Variants in CDC123 observed in about 807,000 individuals in gnomAD.
CDC123 encodes the protein translation initiation factor eIF2 assembly protein.
CDC123 carries 37 observed loss-of-function variants against 54.4 expected under a neutral mutation model. The ratio of observed to expected loss-of-function variants is 0.68; its 90% CI spans 0.52 to 0.89. The LOEUF (loss-of-function observed/expected upper bound fraction) is 0.89, where lower values mean the gene tolerates loss of function less well. Among genes scored for constraint, CDC123 ranks in the 40% least tolerant of loss-of-function variants. The pLI, the probability that CDC123 is intolerant of heterozygous loss-of-function variation, is 0.00. For missense variants in CDC123, 361 were observed against 412.1 expected (o/e 0.88, Z 1.07); for synonymous variants, 144 against 136.8 (o/e 1.05, Z -0.37).
chr10:12,245,165 C>CAGAG (rs1401579173), intron 10 of CDC123: 2 of 152,328 alleles, frequency 1.3e-5, no homozygotes, highest in Non-Finnish European at 2.9e-5. Flanking sequence ...TCCCCCTGAA[C>CAGAG]AGAGCACTGA....
At chr10:12,241,248 A>G (rs1836053861) in intron 10 of CDC123, among the ~76,000 whole-genome samples, 1 of 151,812 alleles carries the variant, frequency 6.6e-6, no homozygotes, top group South Asian at 2.1e-4. Context: ...ACTTTTTTCT[A>G]TTGTCTCATT....
chr10:12,223,855 C>T (rs957146408), intron 6 of CDC123, among the ~76,000 whole-genome samples: 1 of 151,832 alleles, frequency 6.6e-6, no homozygotes, highest in Non-Finnish European at 1.5e-5. Context: ...TATGTATTTC[C>T]CCCTGTATTT....
At position 12,246,125 on chromosome 10, in the gene CDC123, G is replaced by GT. The variant is rs749015632; in HGVS notation, c.718-18dup. On this transcript the variant is annotated intron_variant, in intron 10 of 12. Coordinates refer to ENST00000281141, the MANE Select transcript of CDC123 (RefSeq NM_006023.3). ...CAGAGTACAGAAGATGTTTGTTTTT[G>GT]TTTTTTCTCTCTCTGTGCTACAGGG... 3.7e-6 allele frequency: 6 copies of GT among 1,604,718 alleles called. No individual in the cohort carries two copies. In the South Asian group the frequency reaches 5.6e-5, roughly 15 times the overall value.
intron 6 of CDC123, among the ~76,000 whole-genome samples, chr10:12,221,830 G>A (rs1004099021): frequency 1.3e-5 from 2 of 149,580 alleles, no homozygotes; most frequent in Non-Finnish European, 3.0e-5. Flanking sequence ...GCTATCATTA[G>A]TGTTAGTGTA....
rs183185926 is a variant in CDC123, at chr10:12,219,082, T to A, written c.440+1615T>A. Among the ~76,000 whole-genome samples, 113 of 152,326 alleles carry A rather than the reference T, an allele frequency of 7.4e-4. 1 individual carries two copies. The East Asian group carries it at 0.013, about 18-fold the overall frequency. ...TGTCCAGTTGAGTTTGTCCTGCCAGTTCGTTCCATGTCAGACTCAAATCCT... is the reference window on the plus strand; with the variant it reads ...TGTCCAGTTGAGTTTGTCCTGCCAGATCGTTCCATGTCAGACTCAAATCCT... On this transcript the variant is annotated intron_variant, in intron 6 of 12. Coordinates refer to ENST00000281141, the MANE Select transcript of CDC123 (RefSeq NM_006023.3).
Position 12,250,343 on chromosome 10 carries a change from G to C in CDC123, c.*6G>C. 2 of 1,601,866 alleles carry C rather than the reference G, an allele frequency of 1.2e-6. No individual in the cohort carries two copies. Among genetic ancestry groups the C allele is most frequent in the Non-Finnish European group, 1.7e-6 (2 of 1,169,908 alleles). ...ATCAGCAGGAGGACGACTGATGAGCGTACTGGAACTGGAGAAGAGGAGGCC... is the reference window on the plus strand; with the variant it reads ...ATCAGCAGGAGGACGACTGATGAGCCTACTGGAACTGGAGAAGAGGAGGCC... On this transcript the variant is annotated 3_prime_UTR_variant, in exon 13 of 13. Coordinates refer to ENST00000281141, the MANE Select transcript of CDC123 (RefSeq NM_006023.3).
At chr10:12,200,439 A>G (rs1403888376) in intron 2 of CDC123, among the ~76,000 whole-genome samples, 1 of 151,996 alleles carries the variant, frequency 6.6e-6, no homozygotes, top group Non-Finnish European at 1.5e-5. Flanking sequence ...TTTATTCTCA[A>G]ATACGTGTAC....
chr10:12,198,901 G>A, intron 2 of CDC123, 125 bp downstream of exon 2: 1 of 623,646 alleles, frequency 1.6e-6, no homozygotes, highest in Non-Finnish European at 2.9e-6. Flanking sequence ...ATGATGTGCT[G>A]ATCTTTGTCT....
intron 7 of CDC123, among the ~76,000 whole-genome samples, chr10:12,234,498 C>T (rs919910429): frequency 6.6e-6 from 1 of 152,148 alleles, no homozygotes; most frequent in African/African-American, 2.4e-5. Flanking sequence ...GGGTTATAGG[C>T]GTGAGCCTCC....
rs1290829294 is a variant in CDC123 at position 12,237,417 on chromosome 10, G to A, written c.688+151G>A. On this transcript the variant is annotated intron_variant, in intron 9 of 12. Transcript: ENST00000281141. ...TATTATTTGTTATTTTTGATAGTTT[G>A]TATGTTAATTTCTTTTTATTATTAT... The A allele has an allele frequency of 4.7e-5, 27 of 571,988 alleles. 1 individual carries two copies. The South Asian group carries it at 1.1e-3, about 24-fold the overall frequency. The allele number at this position is 571,988 out of a possible 1,614,324, so 35.4% of individuals were successfully genotyped here. A position where few individuals can be genotyped will look rare whatever the true frequency, so the allele number is the denominator to read the frequency against.
chr10:12,218,572 A>C (rs1224160450), intron 6 of CDC123, among the ~76,000 whole-genome samples: 1 of 152,078 alleles, frequency 6.6e-6, no homozygotes, highest in African/African-American at 2.4e-5. Flanking sequence ...CTGCTTTTGC[A>C]CTTACCAGTG....
intron 7 of CDC123, among the ~76,000 whole-genome samples, chr10:12,233,146 A>G (rs1358480336): frequency 1.3e-5 from 2 of 152,104 alleles, no homozygotes; most frequent in East Asian, 1.9e-4. Flanking sequence ...GAAAGACACC[A>G]TTATCATGTA....
chr10:12,198,415 G>A (rs1208840117), intron 1 of CDC123, among the ~76,000 whole-genome samples: 2 of 152,146 alleles, frequency 1.3e-5, no homozygotes, highest in Admixed American at 1.3e-4. Context: ...CATAAATGTT[G>A]TGCTCACTCA....
chr10:12,231,267 T>G (rs1180126748), intron 7 of CDC123, among the ~76,000 whole-genome samples: 2 of 152,124 alleles, frequency 1.3e-5, no homozygotes, highest in Non-Finnish European at 2.9e-5. Flanking sequence ...GCCTCACAGG[T>G]GCACCTAATT....
chr10:12,238,316 G>C (rs1400825552), intron 9 of CDC123, 141 bp from the exon 10 acceptor site: 1 of 866,704 alleles, frequency 1.2e-6, no homozygotes, highest in African/African-American at 1.8e-5. Flanking sequence ...TATGTTTGAA[G>C]TTTTGAGGTT....
intron 12 of CDC123, 119 bp from the exon 13 acceptor site, chr10:12,250,192 G>A: frequency 1.7e-6 from 1 of 594,366 alleles, no homozygotes; most frequent in Non-Finnish European, 2.9e-6. Context: ...TTAAAGCATG[G>A]TTTTCCATGA....
At chr10:12,233,006 G>T (rs1173066593) in intron 7 of CDC123, among the ~76,000 whole-genome samples, 3 of 151,898 alleles carry the variant, frequency 2.0e-5, no homozygotes, top group Non-Finnish European at 1.5e-5. Flanking sequence ...TGATCCGTCC[G>T]CCTCAGCCTC....
At chr10:12,197,122 G>A (rs1835365273) in intron 1 of CDC123, among the ~76,000 whole-genome samples, 1 of 152,124 alleles carries the variant, frequency 6.6e-6, no homozygotes, top group South Asian at 2.1e-4. Context: ...AAATAGTATT[G>A]GAATGTGTGG....
chr10:12,212,929 T>C (rs574037174), intron 4 of CDC123, among the ~76,000 whole-genome samples: 2 of 152,358 alleles, frequency 1.3e-5, no homozygotes, highest in Admixed American at 6.5e-5. Context: ...AGTATAAGAA[T>C]AGGTTATGAC....
Sources: allele counts gnomAD v4.1 joint callset (sites outside exome capture counted in the v4.1 genomes callset), GRCh38; gene constraint gnomAD v4.1.1; transcripts MANE v1.5; gene names NCBI Gene and HGNC (gene_info 2026-07-23, HGNC 2026-07-21).